Variants in GRB14 observed in about 807,000 individuals in gnomAD.
GRB14 encodes the protein growth factor receptor-bound protein 14.
A neutral mutation model predicts 69.1 loss-of-function variants in GRB14; 38 were observed. The ratio of observed to expected loss-of-function variants is 0.55; its 90% CI spans 0.42 to 0.72. The LOEUF is 0.72. GRB14 is among the 30% of genes least tolerant of loss of function. GRB14 has a pLI of 0.00. For synonymous variants in GRB14, 247 were observed against 241.3 expected, an observed-to-expected ratio of 1.02 and a Z score of -0.22; for missense variants, 666 against 666.1, an observed-to-expected ratio of 1.00 and a Z score of 0.00.
At chr2:164,613,520 G>C (rs2105361454) in intron 2 of GRB14, among the ~76,000 whole-genome samples, 1 of 152,276 alleles carries the variant, frequency 6.6e-6, no homozygotes, top group East Asian at 1.9e-4. Flanking sequence ...GAAAACTTGG[G>C]AGCAGCCACT....
At chr2:164,576,773 A>G (rs1574325746) in intron 2 of GRB14, among the ~76,000 whole-genome samples, 1 of 151,962 alleles carries the variant, frequency 6.6e-6, no homozygotes, top group African/African-American at 2.4e-5. Context: ...AATTAAACCT[A>G]AGGAAATCAG....
rs2105310281 is a variant in GRB14 at position 164,547,738 on chromosome 2, G to A, written c.403C>T (p.Gln135Ter). Residue 135 changes from glutamine to a stop codon, truncating the protein, a stop_gained, in exon 3 of 14, where the codon CAG (glutamine) becomes TAG (stop). Coordinates refer to ENST00000263915, the MANE Select transcript of GRB14 (RefSeq NM_004490.3). LOFTEE classifies it high-confidence loss of function. ...PSDITARDVC[Q>*]LLILKNHYID... ...TAATGATTCTTCAGGATCAACAGCT[G>A]ACAAACATCTCGAGCCGTTATGTCA... 6.2e-7 allele frequency: 1 copy of A among 1,613,646 alleles called. No individual in the cohort carries two copies. Among genetic ancestry groups the A allele is most frequent in the Non-Finnish European group, 8.5e-7 (1 of 1,179,716 alleles).
chr2:164,592,657 C>G (rs141193963), intron 2 of GRB14, among the ~76,000 whole-genome samples: 3 of 152,290 alleles, frequency 2.0e-5, no homozygotes, highest in Admixed American at 6.5e-5. Flanking sequence ...AACCTACTCA[C>G]AATCTAAAAA....
intron 3 of GRB14, among the ~76,000 whole-genome samples, chr2:164,528,976 T>C (rs1687852201): frequency 6.6e-6 from 1 of 152,148 alleles, no homozygotes; most frequent in Non-Finnish European, 1.5e-5. Context: ...AGCAACATCA[T>C]TCACAATAGC....
intron 3 of GRB14, among the ~76,000 whole-genome samples, chr2:164,531,047 A>C (rs1574277525): frequency 6.6e-6 from 1 of 152,328 alleles, no homozygotes; most frequent in East Asian, 1.9e-4. Context: ...GAAGGTAGGG[A>C]CAACAGAATT....
intron 2 of GRB14, among the ~76,000 whole-genome samples, chr2:164,612,852 G>T (rs1480825825): frequency 6.6e-6 from 1 of 152,088 alleles, no homozygotes; most frequent in African/African-American, 2.4e-5. Flanking sequence ...GACTGCAAAT[G>T]TACCCTGCAA....
chr2:164,532,125 A>G (rs560725679), intron 3 of GRB14, among the ~76,000 whole-genome samples: 1 of 152,318 alleles, frequency 6.6e-6, no homozygotes, highest in African/African-American at 2.4e-5. Flanking sequence ...ACATGTCCCA[A>G]CAGAGTGCTG....
chr2:164,620,731 T>C (rs1690437271), intron 1 of GRB14, among the ~76,000 whole-genome samples: 1 of 152,210 alleles, frequency 6.6e-6, no homozygotes, highest in Admixed American at 6.5e-5. Flanking sequence ...ACAGGGTCGC[T>C]GTAAGACTCT....
At chr2:164,526,943 G>C in intron 4 of GRB14, 71 bp downstream of exon 4, 1 of 1,072,582 alleles carries the variant, frequency 9.3e-7, no homozygotes, top group South Asian at 1.6e-5. Flanking sequence ...TATTTACAGT[G>C]ACTATCTTCT....
chr2:164,594,322 C>T, intron 2 of GRB14, among the ~76,000 whole-genome samples: 1 of 152,156 alleles, frequency 6.6e-6, no homozygotes, highest in Non-Finnish European at 1.5e-5. Flanking sequence ...ACTACTTAAG[C>T]AAGCATTATT....
chr2:164,574,029 G>A, intron 2 of GRB14: 2 of 1,376,132 alleles, frequency 1.5e-6, no homozygotes, highest in South Asian at 1.2e-5. Flanking sequence ...AACATAGATT[G>A]TTGCAGCAAT....
chr2:164,550,221 C>A (rs1233165755), intron 2 of GRB14, among the ~76,000 whole-genome samples: 1 of 152,144 alleles, frequency 6.6e-6, no homozygotes, highest in Non-Finnish European at 1.5e-5. Context: ...ACATATTGTC[C>A]TCCATTGCTT....
intron 6 of GRB14, among the ~76,000 whole-genome samples, chr2:164,518,051 C>A (rs1472083659): frequency 6.6e-6 from 1 of 152,158 alleles, no homozygotes; most frequent in Non-Finnish European, 1.5e-5. Flanking sequence ...TTCTACCCAA[C>A]AACTGCAGAA....
intron 2 of GRB14, among the ~76,000 whole-genome samples, chr2:164,609,593 T>C (rs978498480): frequency 2.0e-5 from 3 of 152,222 alleles, no homozygotes; most frequent in Non-Finnish European, 4.4e-5. Flanking sequence ...ATTTATTATA[T>C]AAATTACATA....
At chr2:164,576,620 T>C (rs1689257935) in intron 2 of GRB14, among the ~76,000 whole-genome samples, 1 of 151,790 alleles carries the variant, frequency 6.6e-6, no homozygotes, top group Non-Finnish European at 1.5e-5. Flanking sequence ...AATGTCTATG[T>C]AATAATAATA....
chr2:164,603,399 C>A (rs1689968882), intron 2 of GRB14, among the ~76,000 whole-genome samples: 1 of 152,090 alleles, frequency 6.6e-6, no homozygotes, highest in Non-Finnish European at 1.5e-5. Context: ...TGCGGTGGCT[C>A]ACACCAGTAA....
At chr2:164,565,436 A>G (rs1454362251) in intron 2 of GRB14, among the ~76,000 whole-genome samples, 1 of 152,188 alleles carries the variant, frequency 6.6e-6, no homozygotes, top group Non-Finnish European at 1.5e-5. Flanking sequence ...TATACCCACC[A>G]TAAGGCAATT....
chr2:164,534,234 CT>C (rs1226709732), intron 3 of GRB14, among the ~76,000 whole-genome samples: 1 of 152,072 alleles, frequency 6.6e-6, no homozygotes. Context: ...ATTGTAGAAA[CT>C]GATTTTTAGA....
chr2:164,535,764 C>T (rs1206624830), intron 3 of GRB14, among the ~76,000 whole-genome samples: 1 of 152,152 alleles, frequency 6.6e-6, no homozygotes, highest in East Asian at 1.9e-4. Context: ...TTAATACCAG[C>T]AGGATCCCTC....
Sources: gnomAD v4.1 joint callset for allele counts (sites outside exome capture counted in the v4.1 genomes callset) on GRCh38, gnomAD v4.1.1 for gene constraint, MANE v1.5 for transcripts, NCBI Gene and HGNC (gene_info 2026-07-23, HGNC 2026-07-21) for gene names.